ROBO2: variants seen among roughly 807,000 people sequenced by gnomAD.
ROBO2 encodes roundabout homolog 2.
ROBO2 carries 53 observed loss-of-function variants against 160.8 expected under a neutral mutation model. The observed-to-expected ratio is 0.33, with a 90% CI of 0.26 to 0.41. ROBO2 has a LOEUF of 0.41. ROBO2 is among the 10% of genes least tolerant of loss of function. The pLI is 1.00. For synonymous variants in ROBO2, 664 were observed against 611.7 expected, an observed-to-expected ratio of 1.09 and a Z score of -1.26; for missense variants, 1,577 against 1,722.4, an observed-to-expected ratio of 0.92 and a Z score of 1.49.
chr3:77,363,459 T>G (rs1028777684), intron 2 of ROBO2, among the ~76,000 whole-genome samples: 4 of 152,154 alleles, frequency 2.6e-5, no homozygotes, highest in Non-Finnish European at 5.9e-5. Flanking sequence ...ACGATCTCTG[T>G]TGCAAGTTAA....
intron 2 of ROBO2, among the ~76,000 whole-genome samples, chr3:77,453,774 T>C (rs2081344699): frequency 6.6e-6 from 1 of 152,174 alleles, no homozygotes; most frequent in South Asian, 2.1e-4. Flanking sequence ...TTCCAGGTTA[T>C]GTTTGAGTGC....
chr3:76,857,309 G>T (rs2070230314), intron 2 of ROBO2, among the ~76,000 whole-genome samples: 1 of 152,098 alleles, frequency 6.6e-6, no homozygotes, highest in African/African-American at 2.4e-5. Flanking sequence ...AATAGAATCT[G>T]CATTCCCCAG....
intron 2 of ROBO2, among the ~76,000 whole-genome samples, chr3:77,174,115 C>A (rs1188250101): frequency 1.3e-5 from 2 of 152,078 alleles, no homozygotes; most frequent in East Asian, 3.9e-4. Flanking sequence ...GAGTACAATT[C>A]TATCCCCCAG....
At position 76,968,874 on chromosome 3, in the gene ROBO2, A is replaced by G. The variant is rs9843086; in HGVS notation, c.110-129140A>G. Among the ~76,000 whole-genome samples the G allele has an allele frequency of 9.2e-3, 1,405 of 152,188 alleles. 18 individuals are homozygous for G. Among genetic ancestry groups the G allele is most frequent in the African/African-American group, 0.032 (1,338 of 41,526 alleles). Reference sequence around the variant, plus strand: ...TTTGGATGTTCCTTCAGACATTTACATTTTTCAAGAGTTGGTATTTCCAAT... The same window carrying G: ...TTTGGATGTTCCTTCAGACATTTACGTTTTTCAAGAGTTGGTATTTCCAAT... On this transcript the variant is annotated intron_variant, in intron 2 of 26. Coordinates refer to the ROBO2 transcript ENST00000487694.
At chr3:77,189,526 A>G (rs2081614992) in intron 2 of ROBO2, among the ~76,000 whole-genome samples, 1 of 151,924 alleles carries the variant, frequency 6.6e-6, no homozygotes, top group African/African-American at 2.4e-5. Context: ...CAAACCTTGA[A>G]CATGTCAGAA....
intron 2 of ROBO2, among the ~76,000 whole-genome samples, chr3:76,084,574 A>G (rs546577099): frequency 6.6e-6 from 1 of 152,274 alleles, no homozygotes; most frequent in African/African-American, 2.4e-5. Flanking sequence ...CCTCAGTATT[A>G]TTCCACCTGT....
At chr3:76,825,749 A>G (rs2066530225) in intron 2 of ROBO2, among the ~76,000 whole-genome samples, 1 of 151,898 alleles carries the variant, frequency 6.6e-6, no homozygotes, top group African/African-American at 2.4e-5. Context: ...GAAAACGAAA[A>G]CCAAAGCTGC....
chr3:77,615,714 C>G (rs547994988), intron 21 of ROBO2, among the ~76,000 whole-genome samples: 2 of 152,272 alleles, frequency 1.3e-5, no homozygotes, highest in East Asian at 3.9e-4. Context: ...GGATGTAATG[C>G]AGTTTATTTA....
intron 5 of ROBO2, among the ~76,000 whole-genome samples, chr3:77,509,917 G>A (rs970713258): frequency 1.6e-4 from 24 of 152,106 alleles, no homozygotes; most frequent in African/African-American, 4.3e-4. Flanking sequence ...AATTAATCCC[G>A]TGTCAGCATA....
chr3:77,180,377 T>TACC (rs2080602560), intron 2 of ROBO2, among the ~76,000 whole-genome samples: 1 of 147,658 alleles, frequency 6.8e-6, no homozygotes, highest in African/African-American at 2.5e-5. Flanking sequence ...GTTTCTAAAC[T>TACC]ACCTTTTGAA....
chr3:77,277,177 T>TTTCTTTC lies in ROBO2; in HGVS notation c.388+178840_388+178846dup, dbSNP rs1553882938. Among the ~76,000 whole-genome samples, 449 of 102,496 alleles carry TTTCTTTC rather than the reference T, an allele frequency of 4.4e-3. 3 individuals carry two copies. The highest frequency in any genetic ancestry group is 0.015 in the African/African-American group (358 of 23,580). 67.2% of individuals were successfully genotyped at this position (102,496 alleles called of 152,430 possible). Reference sequence around the variant, plus strand: ...CTTTCCTTCTTTCTTTCTTTCTTTCTTTCTTTCTTTCTTTCTTTCTTTCTT... The same window carrying TTTCTTTC: ...CTTTCCTTCTTTCTTTCTTTCTTTCTTTCTTTCTTCTTTCTTTCTTTCTTTCTTTCTT... On this transcript the variant is annotated intron_variant, in intron 2 of 25. Transcript: ENST00000461745.
intron 2 of ROBO2, among the ~76,000 whole-genome samples, chr3:76,449,942 G>A (rs2077392280): frequency 6.6e-6 from 1 of 152,090 alleles, no homozygotes; most frequent in Non-Finnish European, 1.5e-5. Flanking sequence ...CTGGAATAAA[G>A]AAGCAATAAA....
intron 2 of ROBO2, among the ~76,000 whole-genome samples, chr3:77,413,801 G>A (rs575720068): frequency 6.6e-6 from 1 of 152,302 alleles, no homozygotes; most frequent in African/African-American, 2.4e-5. Context: ...TACTAAGATG[G>A]AAAGACTGGA....
intron 2 of ROBO2, among the ~76,000 whole-genome samples, chr3:77,112,982 A>G (rs368553391): frequency 9.2e-5 from 14 of 152,348 alleles, no homozygotes; most frequent in East Asian, 3.9e-4. Context: ...CAGTTGCAGA[A>G]TAATTCTCAG....
At chr3:76,896,794 G>A (rs2074817442) in intron 2 of ROBO2, among the ~76,000 whole-genome samples, 1 of 152,078 alleles carries the variant, frequency 6.6e-6, no homozygotes, top group Non-Finnish European at 1.5e-5. Context: ...TGAGCCCATT[G>A]ATTTTGATAA....
At position 76,934,673 on chromosome 3, in the gene ROBO2, G is replaced by A. The variant is rs145903544; in HGVS notation, c.110-163341G>A. 3.1e-3 allele frequency among the ~76,000 whole-genome samples: 478 copies of A among 152,198 alleles called. 3 individuals carry two copies. The highest frequency in any genetic ancestry group is 9.6e-3 in the African/African-American group (399 of 41,534). On this transcript the variant is annotated intron_variant, in intron 2 of 26. Transcript: ENST00000487694. Reference sequence around the variant, plus strand: ...GGAGAATCCCTTGAACCCGGGAGGCGGAGGTTGCAGTGAGCCGAGATATAC... The same window carrying A: ...GGAGAATCCCTTGAACCCGGGAGGCAGAGGTTGCAGTGAGCCGAGATATAC...
chr3:77,239,178 G>A (rs745460483), intron 2 of ROBO2, among the ~76,000 whole-genome samples: 3 of 152,170 alleles, frequency 2.0e-5, no homozygotes, highest in East Asian at 1.9e-4. Context: ...TGGTGTGTCC[G>A]CAGTTTGTTC....
intron 2 of ROBO2, among the ~76,000 whole-genome samples, chr3:76,593,284 C>T (rs1010440307): frequency 4.0e-5 from 6 of 151,878 alleles, no homozygotes; most frequent in Non-Finnish European, 8.8e-5. Flanking sequence ...AGAGTTGTTG[C>T]GTTTAATTAC....
chr3:77,031,683 G>T (rs1346326183), intron 2 of ROBO2, among the ~76,000 whole-genome samples: 1 of 144,774 alleles, frequency 6.9e-6, no homozygotes, highest in Admixed American at 7.0e-5. Flanking sequence ...TAAATTTAAT[G>T]TAATTAATTA....
Sources: gnomAD v4.1 joint callset for allele counts (sites outside exome capture counted in the v4.1 genomes callset) on GRCh38, gnomAD v4.1.1 for gene constraint, MANE v1.5 for transcripts, NCBI Gene and HGNC (gene_info 2026-07-23, HGNC 2026-07-21) for gene names.